Variants in BRF1 observed in about 807,000 individuals in gnomAD.
BRF1 encodes transcription factor IIIB 90 kDa subunit.
BRF1 carries 59 observed loss-of-function variants against 81.7 expected under a neutral mutation model. The observed-to-expected ratio is 0.72, with a 90% CI of 0.59 to 0.90. The LOEUF (loss-of-function observed/expected upper bound fraction) is 0.90. BRF1 is among the 40% of genes least tolerant of loss of function. BRF1 has a pLI of 0.00. For missense variants in BRF1, 1,050 were observed against 936.3 expected, an observed-to-expected ratio of 1.12 and a Z score of -1.58; for synonymous variants, 491 against 395.6, an observed-to-expected ratio of 1.24 and a Z score of -2.86.
chr14:105,248,656 C>A (rs1243749709), intron 5 of BRF1: 1 of 979,334 alleles, frequency 1.0e-6, no homozygotes, highest in Non-Finnish European at 1.2e-6. Flanking sequence ...GTCGCAGGGG[C>A]GGGGGTGGCA....
At position 105,211,111 on chromosome 14, in the gene BRF1, G is replaced by A. The variant is rs376510334; in HGVS notation, c.1996+11C>T. ...CCCTTGAACCCCTCCCTGTTGTCGG[G>A]CCCCACCCACCGTTGCTGCCCATCA... is the stretch of plus-strand genomic sequence containing the variant. On this transcript the variant is annotated intron_variant, in intron 17 of 17. Transcript: ENST00000547530. The A allele has an allele frequency of 1.2e-6, 2 of 1,611,856 alleles. No individual in the cohort carries two copies. Among genetic ancestry groups the A allele is most frequent in the East Asian group, 2.2e-5 (1 of 44,862 alleles).
intron 2 of BRF1, among the ~76,000 whole-genome samples, chr14:105,280,931 T>C (rs28368773): frequency 0.07 from 5,589 of 80,042 alleles, 4 homozygotes; most frequent in South Asian, 0.076. Context: ...CCCAGGTGTG[T>C]GGACAGAGCC....
intron 1 of BRF1, among the ~76,000 whole-genome samples, chr14:105,286,764 C>G (rs905125781): frequency 6.6e-6 from 1 of 152,236 alleles, no homozygotes; most frequent in East Asian, 1.9e-4. Context: ...CGCCACCACG[C>G]CCGGCTGGGA....
intron 16 of BRF1, 131 bp downstream of exon 16, chr14:105,211,982 G>A (rs1245262268): frequency 5.2e-6 from 7 of 1,356,800 alleles, no homozygotes; most frequent in South Asian, 1.3e-5. Context: ...TGCCAGGCAA[G>A]TATGGGGCAG....
In BRF1 at chr14:105,210,680, A is replaced by AAGACTC; in HGVS notation, c.1997-98_1997-93dup. On this transcript the variant is annotated intron_variant, in intron 17 of 17. Coordinates refer to ENST00000547530, the MANE Select transcript of BRF1 (RefSeq NM_001519.4). This position sits in a 1 kb window ranked among gnomAD's most constrained non-coding sequence, Gnocchi z 4.7. ...CGCCCTGTTCCTGGTGCCCCCCTAG[A>AAGACTC]AGACTCAGGCTCCAGCCCCAGCCCC... 1 of 1,421,694 alleles carries AAGACTC rather than the reference A, an allele frequency of 7.0e-7. No individual in the cohort carries two copies. The highest frequency in any genetic ancestry group is 9.6e-7 in the Non-Finnish European group (1 of 1,042,050). The allele number at this position is 1,421,694 out of a possible 1,614,324, so 88.1% of individuals were successfully genotyped here.
chr14:105,313,583 A>G (rs998299907), intron 1 of BRF1, among the ~76,000 whole-genome samples: 2 of 152,266 alleles, frequency 1.3e-5, no homozygotes, highest in African/African-American at 4.8e-5. Flanking sequence ...CGGAGGAAGC[A>G]GCGGCATGAG....
intron 5 of BRF1, chr14:105,248,962 C>CGCGCAGCCCGCCCA: frequency 1.0e-6 from 1 of 979,580 alleles, no homozygotes; most frequent in Non-Finnish European, 1.2e-6. Flanking sequence ...AAGGCCGGGC[C>CGCGCAGCCCGCCCA]GCGCAGCCCG....
intron 5 of BRF1, chr14:105,250,496 A>C: frequency 6.2e-7 from 1 of 1,613,944 alleles, no homozygotes; most frequent in Non-Finnish European, 8.5e-7. Context: ...TGAACAAGAC[A>C]CCTTCTACAC....
At chr14:105,285,775 C>G (rs375986300) in intron 2 of BRF1, among the ~76,000 whole-genome samples, 1 of 151,804 alleles carries the variant, frequency 6.6e-6, no homozygotes, top group Non-Finnish European at 1.5e-5. Flanking sequence ...ATAAATCACA[C>G]ATCCGATAAA....
Position 105,211,109 on chromosome 14 carries a change from G to C in BRF1, c.1996+13C>G. 6.2e-7 allele frequency: 1 copy of C among 1,611,748 alleles called. No individual in the cohort carries two copies. The highest frequency in any genetic ancestry group is 8.5e-7 in the Non-Finnish European group (1 of 1,179,830). ...TTCCCTTGAACCCCTCCCTGTTGTC[G>C]GGCCCCACCCACCGTTGCTGCCCAT... is the stretch of plus-strand genomic sequence containing the variant. On this transcript the variant is annotated intron_variant, in intron 17 of 17. Coordinates refer to ENST00000547530, the MANE Select transcript of BRF1 (RefSeq NM_001519.4).
In BRF1 at chr14:105,300,999, G is replaced by A. The variant is rs1476753783; in HGVS notation, c.-370C>T. The A allele has an allele frequency of 6.5e-6, 1 of 153,152 alleles. No individual in the cohort carries two copies. Among genetic ancestry groups the A allele is most frequent in the Non-Finnish European group, 1.5e-5 (1 of 68,566 alleles). The allele number at this position is 153,152 out of a possible 1,614,324, so 9.5% of individuals were successfully genotyped here. On this transcript the variant is annotated 5_prime_UTR_variant, in exon 1 of 18. Coordinates refer to ENST00000547530, the MANE Select transcript of BRF1 (RefSeq NM_001519.4). ...CTACCGGTGAGCGCAGCCGAGGACTGGCGCTTGGGGGCGGGGCCACGGCGG... is the reference window on the plus strand; with the variant it reads ...CTACCGGTGAGCGCAGCCGAGGACTAGCGCTTGGGGGCGGGGCCACGGCGG...
chr14:105,223,531 T>TG (rs1243518992), intron 10 of BRF1, among the ~76,000 whole-genome samples: 1 of 139,304 alleles, frequency 7.2e-6, no homozygotes, highest in Admixed American at 7.1e-5. Flanking sequence ...AATTACACTG[T>TG]GAAAAAAGCC....
chr14:105,243,669 T>C (rs1459488777), intron 5 of BRF1, among the ~76,000 whole-genome samples: 8 of 152,084 alleles, frequency 5.3e-5, no homozygotes, highest in African/African-American at 1.7e-4. Context: ...TCATTAATTA[T>C]TGAAATAGAA....
At chr14:105,212,236 C>T (rs1478759830) in intron 15 of BRF1, 72 bp from the exon 16 acceptor site, 4 of 1,547,466 alleles carry the variant, frequency 2.6e-6, no homozygotes, top group Middle Eastern at 1.7e-4. Flanking sequence ...TCCCTTTTGC[C>T]CATCTTCCCT....
At chr14:105,298,483 C>T (rs1358261425) in intron 1 of BRF1, among the ~76,000 whole-genome samples, 1 of 152,216 alleles carries the variant, frequency 6.6e-6, no homozygotes, top group African/African-American at 2.4e-5. Context: ...TTTCAACAAA[C>T]GGTGTTGAAA....
intron 1 of BRF1, among the ~76,000 whole-genome samples, chr14:105,306,615 G>GT (rs930977513): frequency 9.4e-5 from 14 of 149,282 alleles, no homozygotes; most frequent in Non-Finnish European, 1.5e-4. Context: ...TTTTTTGGGG[G>GT]TTTTTTTTGA....
At chr14:105,222,219 C>CATAAAACACTG (rs1275053618) in intron 10 of BRF1, 1 of 319,694 alleles carries the variant, frequency 3.1e-6, no homozygotes, top group Non-Finnish European at 5.7e-6. Flanking sequence ...AAGCAGAATC[C>CATAAAACACTG]ATAAAACACT....
intron 3 of BRF1, among the ~76,000 whole-genome samples, chr14:105,265,089 G>A (rs1195516861): frequency 6.9e-6 from 1 of 143,966 alleles, no homozygotes; most frequent in Non-Finnish European, 1.5e-5. Context: ...TTAGAGACAG[G>A]GTCTCACTCT....
chr14:105,262,005 C>T (rs1006640596), intron 3 of BRF1, among the ~76,000 whole-genome samples: 3 of 152,350 alleles, frequency 2.0e-5, no homozygotes, highest in South Asian at 2.1e-4. Flanking sequence ...ACGGCCCGGC[C>T]GAAGCTCCGT....
Sources: gnomAD v4.1 joint callset for allele counts (sites outside exome capture counted in the v4.1 genomes callset) on GRCh38, gnomAD v4.1.1 for gene constraint, Gnocchi (gnomAD v3.1) non-coding constraint, MANE v1.5 for transcripts, NCBI Gene and HGNC (gene_info 2026-07-23, HGNC 2026-07-21) for gene names.